Variants in ABRAXAS2 observed in about 807,000 individuals in gnomAD.
The protein encoded by ABRAXAS2 is BRISC complex subunit Abraxas 2.
Under a neutral mutation model 49.0 loss-of-function variants are expected in ABRAXAS2, and 23 were observed. That is an observed-to-expected ratio of 0.47 (90% CI 0.34 to 0.66). ABRAXAS2 has a LOEUF of 0.66. Among genes scored for constraint, ABRAXAS2 ranks in the 30% least tolerant of loss-of-function variants. The probability of loss-of-function intolerance (pLI) is 0.01; values close to 1 mark genes in which losing one functional copy is unlikely to be tolerated. For missense variants in ABRAXAS2, 443 were observed against 511.9 expected, an observed-to-expected ratio of 0.87 and a Z score of 1.30; for synonymous variants, 168 against 180.2, an observed-to-expected ratio of 0.93 and a Z score of 0.54.
chr10:124,834,398 C>T lies in ABRAXAS2; in HGVS notation c.779-104C>T, dbSNP rs551239365. ...TTAATAGTGACAGTCAGCTTCATTG[C>T]CTCACTGCTATTTTCCAGAACATTC... On this transcript the variant is annotated intron_variant, in intron 8 of 8. Coordinates refer to ENST00000298492, the MANE Select transcript of ABRAXAS2 (RefSeq NM_032182.4). The T allele has an allele frequency of 3.1e-4, 267 of 872,368 alleles. 2 individuals carry two copies. In the South Asian group the frequency reaches 4.5e-3, roughly 15 times the overall value. The allele number at this position is 872,368 out of a possible 1,614,324, so 54.0% of individuals were successfully genotyped here. A position where few individuals can be genotyped will look rare whatever the true frequency, so the allele number is the denominator to read the frequency against.
intron 2 of ABRAXAS2, among the ~76,000 whole-genome samples, chr10:124,809,494 C>T (rs1023463892): frequency 6.6e-6 from 1 of 151,364 alleles, no homozygotes; most frequent in Non-Finnish European, 1.5e-5. Context: ...CCATGTTGGT[C>T]GGGCTAGTCT....
At chr10:124,824,195 C>A (rs962848694) in intron 4 of ABRAXAS2, among the ~76,000 whole-genome samples, 1 of 152,186 alleles carries the variant, frequency 6.6e-6, no homozygotes, top group Non-Finnish European at 1.5e-5. Context: ...AGTCACCACA[C>A]CCAGCCAGGA....
chr10:124,833,769 TA>T (rs1950949910), intron 8 of ABRAXAS2, among the ~76,000 whole-genome samples: 1 of 152,198 alleles, frequency 6.6e-6, no homozygotes, highest in African/African-American at 2.4e-5. Flanking sequence ...AGTTTTATAA[TA>T]TTTTTTAAAA....
chr10:124,811,393 A>G (rs891624376), intron 2 of ABRAXAS2, among the ~76,000 whole-genome samples: 29 of 152,042 alleles, frequency 1.9e-4, no homozygotes, highest in African/African-American at 6.3e-4. Flanking sequence ...TGGCATGATC[A>G]CAAAAATAGC....
chr10:124,822,324 A>G (rs1950866624), intron 4 of ABRAXAS2, among the ~76,000 whole-genome samples: 1 of 152,226 alleles, frequency 6.6e-6, no homozygotes, highest in Admixed American at 6.5e-5. Context: ...TATAACAACA[A>G]AAGCCTGAGT....
chr10:124,813,108 C>T (rs1028393496), intron 2 of ABRAXAS2, among the ~76,000 whole-genome samples: 1 of 151,950 alleles, frequency 6.6e-6, no homozygotes, highest in African/African-American at 2.4e-5. Flanking sequence ...GGCTGAAGTA[C>T]GAGAATCGCT....
intron 4 of ABRAXAS2, among the ~76,000 whole-genome samples, chr10:124,824,808 T>C (rs1382455866): frequency 6.6e-6 from 1 of 152,170 alleles, no homozygotes; most frequent in Non-Finnish European, 1.5e-5. Context: ...AATCTTAGAA[T>C]GAAATGTGCT....
intron 1 of ABRAXAS2, among the ~76,000 whole-genome samples, chr10:124,802,971 T>G (rs1950716297): frequency 6.6e-6 from 1 of 152,200 alleles, no homozygotes; most frequent in Admixed American, 6.5e-5. Context: ...TGGTAGAACT[T>G]AATGATAGGA....
intron 2 of ABRAXAS2, among the ~76,000 whole-genome samples, chr10:124,814,684 C>G (rs1950812481): frequency 6.6e-6 from 1 of 151,350 alleles, no homozygotes; most frequent in Admixed American, 6.6e-5. Context: ...GAGTCTTGCT[C>G]TGTCATTCAG....
At chr10:124,811,180 C>T (rs2134160689) in intron 2 of ABRAXAS2, among the ~76,000 whole-genome samples, 1 of 151,922 alleles carries the variant, frequency 6.6e-6, no homozygotes, top group East Asian at 2.0e-4. Context: ...CCACTGCACT[C>T]CAGCCTGGGC....
In ABRAXAS2 at chr10:124,831,382, G is replaced by A. The variant is rs369077371; in HGVS notation, c.697G>A (p.Val233Ile). 9.9e-6 allele frequency: 16 copies of A among 1,613,006 alleles called. No individual in the cohort carries two copies. In the Middle Eastern group the frequency reaches 6.6e-4, roughly 66 times the overall value. Residue 233 changes from valine to isoleucine, a missense_variant, in exon 8 of 9, where the codon GTT (valine) becomes ATT (isoleucine). Transcript: ENST00000298492. The part of the protein sequence containing the change: ...VCADVEKSER[V>I]VESCQAEVNK... ...TGCAGATGTTGAAAAGAGTGAGCGA[G>A]TTGTTGAATCTTGTCAGGCAGAAGT... is the stretch of plus-strand genomic sequence containing the variant.
Position 124,801,847 on chromosome 10 carries a change from G to A in ABRAXAS2, c.18G>A (p.Ser6=). MAASI[S]GYTFSAVCFH... ...TTTCCATCATGGCGGCGTCCATTTC[G>A]GGCTACACCTTCAGTGCTGTGTGTT... Residue 6 remains serine (S), a synonymous_variant, in exon 1 of 9, where the codon TCG becomes TCA. Transcript: ENST00000298492. 6.2e-7 allele frequency: 1 copy of A among 1,613,500 alleles called. No individual in the cohort carries two copies. Among genetic ancestry groups the A allele is most frequent in the Non-Finnish European group, 8.5e-7 (1 of 1,179,818 alleles).
rs556208334 is a variant in ABRAXAS2 at position 124,809,201 on chromosome 10, G to C, written c.163+2280G>C. Among the ~76,000 whole-genome samples, 4 of 152,296 alleles carry C rather than the reference G, an allele frequency of 2.6e-5. No individual in the cohort carries two copies. The East Asian group carries it at 7.7e-4, about 29-fold the overall frequency. ...AATACTGTTGGCAAGTGGCAACTTT[G>C]GTCATGTTGGGAGCAAATAATTAAT... On this transcript the variant is annotated intron_variant, in intron 2 of 8. Coordinates refer to ENST00000298492, the MANE Select transcript of ABRAXAS2 (RefSeq NM_032182.4).
chr10:124,824,545 A>C lies in ABRAXAS2; in HGVS notation c.268-2050A>C, dbSNP rs115534584. On this transcript the variant is annotated intron_variant, in intron 4 of 8. Transcript: ENST00000298492. ...TCCATCTCAAAAACCAAAAAAAAAA[A>C]AAAACAAAACAAAGGCAGCTAGGAA... 8.9e-3 allele frequency among the ~76,000 whole-genome samples: 1,360 copies of C among 152,108 alleles called. 25 individuals are homozygous for C. The highest frequency in any genetic ancestry group is 0.031 in the African/African-American group (1,266 of 41,458).
At chr10:124,828,010 A>G (rs1176382823) in intron 5 of ABRAXAS2, among the ~76,000 whole-genome samples, 2 of 152,152 alleles carry the variant, frequency 1.3e-5, no homozygotes, top group Non-Finnish European at 2.9e-5. Context: ...TGTGCTCTCA[A>G]GGAGTTGATA....
At chr10:124,826,835 C>T in intron 5 of ABRAXAS2, 50 bp downstream of exon 5, 1 of 1,576,838 alleles carries the variant, frequency 6.3e-7, no homozygotes, top group African/African-American at 1.3e-5. Flanking sequence ...ACGTTGGGAC[C>T]AGGCGTGGTG....
chr10:124,824,125 C>T (rs1035695438), intron 4 of ABRAXAS2, among the ~76,000 whole-genome samples: 1 of 152,138 alleles, frequency 6.6e-6, no homozygotes, highest in African/African-American at 2.4e-5. Flanking sequence ...CGGGCTCAAA[C>T]TCCTGGGCTC....
At chr10:124,807,969 G>A (rs1950758614) in intron 2 of ABRAXAS2, among the ~76,000 whole-genome samples, 1 of 152,176 alleles carries the variant, frequency 6.6e-6, no homozygotes, top group Non-Finnish European at 1.5e-5. Flanking sequence ...AGCCTTCTGA[G>A]GGATAAGCCA....
At chr10:124,808,556 C>CCT in intron 2 of ABRAXAS2, among the ~76,000 whole-genome samples, 1 of 152,134 alleles carries the variant, frequency 6.6e-6, no homozygotes, top group African/African-American at 2.4e-5. Context: ...ATCATCCCTG[C>CCT]CTCCTAGAGC....
Sources: allele counts gnomAD v4.1 joint callset (sites outside exome capture counted in the v4.1 genomes callset), GRCh38; gene constraint gnomAD v4.1.1; transcripts MANE v1.5; gene names NCBI Gene and HGNC (gene_info 2026-07-23, HGNC 2026-07-21).